Variants in NCKAP1L observed in about 807,000 individuals in gnomAD.
NCKAP1L encodes NCK associated protein 1 like, also known as nck-associated protein 1-like.
Under a neutral mutation model 139.2 loss-of-function variants are expected in NCKAP1L, and 53 were observed. The ratio of observed to expected loss-of-function variants is 0.38; its 90% CI spans 0.31 to 0.48. NCKAP1L has a LOEUF of 0.48. Among genes scored for constraint, NCKAP1L ranks in the 20% least tolerant of loss-of-function variants. The pLI is 0.98. For synonymous variants in NCKAP1L, 468 were observed against 499.7 expected, an observed-to-expected ratio of 0.94 and a Z score of 0.85; for missense variants, 1,151 against 1,381.9, an observed-to-expected ratio of 0.83 and a Z score of 2.65.
chr12:54,508,570 C>T (rs756006799), intron 5 of NCKAP1L, 39 bp downstream of exon 5: 5 of 1,603,036 alleles, frequency 3.1e-6, no homozygotes, highest in Non-Finnish European at 4.3e-6. Context: ...GAGTCTCATA[C>T]ATGGTGCTAT....
At chr12:54,520,635 C>T in intron 16 of NCKAP1L, 59 bp from the exon 17 acceptor site, 2 of 1,580,116 alleles carry the variant, frequency 1.3e-6, no homozygotes, top group Middle Eastern at 1.7e-4. Flanking sequence ...TTATTTTTCA[C>T]TCACCACTTT....
chr12:54,520,602 T>A (rs909175256), intron 16 of NCKAP1L, 92 bp from the exon 17 acceptor site: 13 of 1,380,612 alleles, frequency 9.4e-6, no homozygotes, highest in Middle Eastern at 1.8e-4. Context: ...GGACTAGCTC[T>A]TAAACTCTAT....
intron 21 of NCKAP1L, 110 bp from the exon 22 acceptor site, chr12:54,528,137 C>T: frequency 1.5e-6 from 2 of 1,326,106 alleles, no homozygotes; most frequent in Non-Finnish European, 1.0e-6. Flanking sequence ...CTTCTCCCTA[C>T]CCCAGTCTTT....
chr12:54,509,463 A>C (rs2120896497), intron 5 of NCKAP1L, among the ~76,000 whole-genome samples: 1 of 152,346 alleles, frequency 6.6e-6, no homozygotes, highest in South Asian at 2.1e-4. Flanking sequence ...GACCTGCCCA[A>C]AATGAAATGG....
intron 30 of NCKAP1L, among the ~76,000 whole-genome samples, chr12:54,542,123 C>T (rs935694945): frequency 6.6e-6 from 1 of 152,148 alleles, no homozygotes; most frequent in African/African-American, 2.4e-5. Context: ...AGGGAGGAGA[C>T]TGAGGCCCAA....
intron 30 of NCKAP1L, among the ~76,000 whole-genome samples, chr12:54,539,778 C>G (rs1464567410): frequency 6.6e-6 from 1 of 152,118 alleles, no homozygotes; most frequent in African/African-American, 2.4e-5. Context: ...GAGCCTGTAC[C>G]CCACCTTGAG....
At chr12:54,516,146 G>T (rs1444059729) in intron 9 of NCKAP1L, 93 bp from the exon 10 acceptor site, 2 of 1,300,716 alleles carry the variant, frequency 1.5e-6, no homozygotes, top group South Asian at 2.4e-5. Context: ...CTCCCACCAG[G>T]GTATAGGCTG....
In NCKAP1L at chr12:54,517,547, C is replaced by T. The variant is rs1371485561; in HGVS notation, c.1110C>T (p.Phe370=). Residue 370 remains phenylalanine (F), a synonymous_variant, in exon 12 of 31, where the codon TTC becomes TTT. Transcript: ENST00000293373. ...CCCCTCCATAGGCTCTTTTTGCTTT[C>T]ATGGCCCTGTCCTTCATTCGTGATG... is the stretch of plus-strand genomic sequence containing the variant. The part of the protein sequence containing the change: ...GLLGPKALFA[F]MALSFIRDEV... The T allele has an allele frequency of 6.2e-7, 1 of 1,613,758 alleles. No individual in the cohort carries two copies. Among genetic ancestry groups the T allele is most frequent in the Non-Finnish European group, 8.5e-7 (1 of 1,179,782 alleles).
Position 54,547,044 on chromosome 12 carries a change from G to C in NCKAP1L, c.*4359G>C, listed in dbSNP as rs538431980. The C allele has an allele frequency of 1.3e-5, 2 of 152,186 alleles. No individual in the cohort carries two copies. The highest frequency in any genetic ancestry group is 2.9e-5 in the Non-Finnish European group (2 of 68,034). The allele number at this position is 152,186 out of a possible 1,614,324, so 9.4% of individuals were successfully genotyped here. On this transcript the variant is annotated 3_prime_UTR_variant, in exon 31 of 31. Transcript: ENST00000293373. ...GAGGAGGCAGAGCCTCCTAGGGGTAGGGGGCAGTTTAGAAGCTGAAAAGGA... is the reference window on the plus strand; with the variant it reads ...GAGGAGGCAGAGCCTCCTAGGGGTACGGGGCAGTTTAGAAGCTGAAAAGGA...
chr12:54,508,127 T>TA (rs1418021538), intron 4 of NCKAP1L, among the ~76,000 whole-genome samples: 1 of 152,218 alleles, frequency 6.6e-6, no homozygotes, highest in East Asian at 1.9e-4. Context: ...TTTAATTAAT[T>TA]AAAAAATTAC....
At chr12:54,497,987 T>C (rs1466153883) in intron 1 of NCKAP1L, 96 bp downstream of exon 1, 2 of 724,548 alleles carry the variant, frequency 2.8e-6, no homozygotes, top group East Asian at 2.6e-5. Context: ...TCCCACCTTT[T>C]TTTCCACTGC....
At chr12:54,523,659 G>A in intron 19 of NCKAP1L, 120 bp downstream of exon 19, 2 of 1,450,192 alleles carry the variant, frequency 1.4e-6, no homozygotes, top group Non-Finnish European at 9.3e-7. Context: ...GAGGGGCATG[G>A]AAAAGCACTT....
At chr12:54,520,920 G>A in intron 17 of NCKAP1L, 94 bp downstream of exon 17, 4 of 1,555,696 alleles carry the variant, frequency 2.6e-6, no homozygotes, top group Non-Finnish European at 3.5e-6. Context: ...GTCCCAGAAA[G>A]GGTATAAACA....
chr12:54,524,089 A>T (rs1957008326), intron 20 of NCKAP1L, 133 bp downstream of exon 20: 1 of 943,350 alleles, frequency 1.1e-6, no homozygotes, highest in Admixed American at 2.5e-5. Context: ...CACGGTGGAG[A>T]TTCTGTTGCA....
chr12:54,520,547 C>T lies in NCKAP1L; in HGVS notation c.1626-147C>T, dbSNP rs1031270556. ...AAATTAAGGAGAGAGTGGTAAATAT[C>T]GGTAAATGTTTTTTGAAAGAATGAA... On this transcript the variant is annotated intron_variant, in intron 16 of 30. Transcript: ENST00000293373. 9.0e-5 allele frequency: 71 copies of T among 791,488 alleles called. 1 individual carries two copies. Among genetic ancestry groups the T allele is most frequent in the South Asian group, 4.1e-4 (25 of 61,300 alleles). The allele number at this position is 791,488 out of a possible 1,614,324, so 49.0% of individuals were successfully genotyped here. A position where few individuals can be genotyped will look rare whatever the true frequency, so the allele number is the denominator to read the frequency against.
At position 54,516,252 on chromosome 12, in the gene NCKAP1L, G is replaced by C; in HGVS notation, c.955G>C (p.Val319Leu). ...GTCAATCCTCAGGTATGGCAAGAGA[G>C]TGGCAGACATAAAGGAGAGCAAGGA... ...FSSLKGYGKR[V>L]ADIKESKEHV... The change falls in exon 10 of 31, where the codon GTG (valine) becomes CTG (leucine). Residue 319 changes from valine (V) to leucine (L), a missense_variant. Coordinates refer to ENST00000293373, the MANE Select transcript of NCKAP1L (RefSeq NM_005337.5). 1 of 1,613,992 alleles carries C rather than the reference G, an allele frequency of 6.2e-7. No individual in the cohort carries two copies. Among genetic ancestry groups the C allele is most frequent in the Non-Finnish European group, 8.5e-7 (1 of 1,179,954 alleles).
intron 20 of NCKAP1L, among the ~76,000 whole-genome samples, chr12:54,525,357 G>T (rs148268754): frequency 3.3e-5 from 5 of 152,192 alleles, no homozygotes; most frequent in African/African-American, 1.2e-4. Context: ...TTTTGCTTGG[G>T]TGAAGTTAAA....
chr12:54,527,497 C>A (rs1957035831), intron 21 of NCKAP1L, among the ~76,000 whole-genome samples: 1 of 152,236 alleles, frequency 6.6e-6, no homozygotes, highest in Non-Finnish European at 1.5e-5. Context: ...CACCGCTTAG[C>A]TCCACCTGAT....
In NCKAP1L at chr12:54,528,244, T is replaced by C. The variant is rs370431193; in HGVS notation, c.2376-3T>C. On this transcript the variant is annotated splice_polypyrimidine_tract_variant and splice_region_variant and intron_variant, in intron 21 of 30. Coordinates refer to ENST00000293373, the MANE Select transcript of NCKAP1L (RefSeq NM_005337.5). ...ATCTATGTTTTCTTGGCCAACCCTGTAGGTACCTGGAAAGTCTGCTTAGAC... is the reference window on the plus strand; with the variant it reads ...ATCTATGTTTTCTTGGCCAACCCTGCAGGTACCTGGAAAGTCTGCTTAGAC... The C allele has an allele frequency of 1.1e-5, 17 of 1,613,586 alleles. No individual in the cohort carries two copies. Among genetic ancestry groups the C allele is most frequent in the Non-Finnish European group, 1.4e-5 (16 of 1,179,664 alleles).
Sources: allele counts gnomAD v4.1 joint callset (sites outside exome capture counted in the v4.1 genomes callset), GRCh38; gene constraint gnomAD v4.1.1; transcripts MANE v1.5; gene names NCBI Gene and HGNC (gene_info 2026-07-23, HGNC 2026-07-21).